Variants in PUS7 observed in about 807,000 individuals in gnomAD.
PUS7 encodes pseudouridylate synthase 7 homolog.
A neutral mutation model predicts 79.8 loss-of-function variants in PUS7; 48 were observed. The observed-to-expected ratio is 0.60, with a 90% CI of 0.48 to 0.76. PUS7 has a LOEUF of 0.76. Ranked by LOEUF, PUS7 falls within the 30% of genes least tolerant of loss-of-function variation. The pLI, the probability that PUS7 is intolerant of heterozygous loss-of-function variation, is 0.00. For synonymous variants in PUS7, 286 were observed against 272.2 expected (o/e 1.05, Z -0.50); for missense variants, 729 against 797.6 (o/e 0.91, Z 1.04).
chr7:105,495,380 T>C, intron 5 of PUS7, 127 bp from the exon 6 acceptor site: 1 of 609,866 alleles, frequency 1.6e-6, no homozygotes, highest in South Asian at 2.0e-5. Context: ...ACAGGTTAAG[T>C]GGTTATAGCT....
Position 105,470,848 on chromosome 7 carries a change from G to A in PUS7, c.1238C>T (p.Ala413Val). 6 of 1,577,658 alleles carry A rather than the reference G, an allele frequency of 3.8e-6. No homozygotes were observed. The highest frequency in any genetic ancestry group is 5.2e-6 in the Non-Finnish European group (6 of 1,157,034). Reference sequence around the variant, plus strand: ...GCATTTAACCAAGTAGCCCTTTTCAGCTGCGGGGGGAAAAAGCTAGGGTTA... The same window carrying A: ...GCATTTAACCAAGTAGCCCTTTTCAACTGCGGGGGGAAAAAGCTAGGGTTA... ...MDLILKPRSGAEKGYLVKCRE... is the reference protein window; with the variant it reads ...MDLILKPRSGVEKGYLVKCRE... Residue 413 changes from alanine to valine, a missense_variant and splice_region_variant, in exon 11 of 16, where the codon GCT (alanine) becomes GTT (valine). Ala to Val is a moderately conservative substitution (Grantham distance 64). Transcript: ENST00000469408.
intron 1 of PUS7, among the ~76,000 whole-genome samples, chr7:105,519,509 T>C (rs1252849213): frequency 1.3e-5 from 2 of 152,026 alleles, no homozygotes; most frequent in Admixed American, 6.5e-5. Context: ...CCTCCCAGAG[T>C]GCTGGGATTA....
intron 9 of PUS7, among the ~76,000 whole-genome samples, chr7:105,477,584 T>C (rs980334911): frequency 6.6e-6 from 1 of 152,100 alleles, no homozygotes; most frequent in East Asian, 1.9e-4. Flanking sequence ...TTTGCTGAGT[T>C]ATTCAATAAT....
chr7:105,477,518 G>C (rs540803110), intron 9 of PUS7, among the ~76,000 whole-genome samples: 2 of 152,226 alleles, frequency 1.3e-5, no homozygotes, highest in Admixed American at 1.3e-4. Flanking sequence ...CTCCCAAAGG[G>C]CTGGGATTAC....
intron 7 of PUS7, 25 bp from the exon 8 acceptor site, chr7:105,482,465 CA>C: frequency 3.9e-6 from 6 of 1,523,806 alleles, no homozygotes; most frequent in Non-Finnish European, 5.3e-6. Flanking sequence ...AAAAAAGCAA[CA>C]AAACAAAAAA....
chr7:105,504,497 C>T (rs971310862), intron 4 of PUS7, among the ~76,000 whole-genome samples: 6 of 152,226 alleles, frequency 3.9e-5, no homozygotes, highest in East Asian at 1.9e-4. Context: ...GCAAGGAGAA[C>T]GACAGTTTGT....
chr7:105,482,280 T>G (rs1473387210), intron 8 of PUS7, 32 bp downstream of exon 8: 1 of 1,605,342 alleles, frequency 6.2e-7, no homozygotes, highest in Non-Finnish European at 8.5e-7. Context: ...GGCCAGACCC[T>G]CTGGTCTACA....
At chr7:105,487,963 T>C (rs1360562476) in intron 7 of PUS7, among the ~76,000 whole-genome samples, 1 of 152,152 alleles carries the variant, frequency 6.6e-6, no homozygotes, top group East Asian at 1.9e-4. Context: ...GTTTCTCCTG[T>C]TCACAAGTTC....
rs202026903 is a variant in PUS7, at chr7:105,492,371, C to G, written c.843-754G>C. On this transcript the variant is annotated intron_variant, in intron 6 of 15. Transcript: ENST00000469408. ...ACGGAGTCTCTCTCTGTCACCCAGG[C>G]TGGAGTGCAGCGGCACAATCTTGGC... Among the ~76,000 whole-genome samples, 12 of 152,154 alleles carry G rather than the reference C, an allele frequency of 7.9e-5. No homozygotes were observed. The East Asian group carries it at 2.3e-3, about 29-fold the overall frequency.
chr7:105,501,682 G>A (rs1363446320), intron 5 of PUS7, among the ~76,000 whole-genome samples: 1 of 152,010 alleles, frequency 6.6e-6, no homozygotes, highest in South Asian at 2.1e-4. Context: ...TTGGCCGGGC[G>A]CACTGGCTCA....
chr7:105,513,066 A>G (rs913594609), intron 1 of PUS7, among the ~76,000 whole-genome samples: 1 of 152,180 alleles, frequency 6.6e-6, no homozygotes, highest in Admixed American at 6.5e-5. Context: ...GAGCCCACCC[A>G]TAGTCCTGTG....
At chr7:105,491,691 T>G (rs1013674868) in intron 6 of PUS7, 74 bp from the exon 7 acceptor site, 1 of 846,258 alleles carries the variant, frequency 1.2e-6, no homozygotes, top group Non-Finnish European at 1.9e-6. Flanking sequence ...TCTCATAATT[T>G]AAGTTTTAAT....
chr7:105,473,187 C>G (rs887760450), intron 9 of PUS7, among the ~76,000 whole-genome samples: 12 of 152,112 alleles, frequency 7.9e-5, no homozygotes, highest in African/African-American at 2.9e-4. Flanking sequence ...ACGATTTACT[C>G]TTATCATTCT....
chr7:105,483,106 G>A (rs1824394540), intron 7 of PUS7, among the ~76,000 whole-genome samples: 2 of 151,762 alleles, frequency 1.3e-5, no homozygotes, highest in Non-Finnish European at 2.9e-5. Flanking sequence ...GAGAAACAGA[G>A]TACTGAAAAG....
chr7:105,516,603 G>A (rs1180486909), intron 1 of PUS7, among the ~76,000 whole-genome samples: 3 of 151,914 alleles, frequency 2.0e-5, no homozygotes, highest in African/African-American at 7.3e-5. Flanking sequence ...ACAGACGCCC[G>A]CTACCACGCC....
chr7:105,487,235 C>A (rs1416373065), intron 7 of PUS7, among the ~76,000 whole-genome samples: 1 of 152,128 alleles, frequency 6.6e-6, no homozygotes, highest in African/African-American at 2.4e-5. Flanking sequence ...TGTACCTATT[C>A]AGCAGTCACT....
At chr7:105,494,674 CT>C (rs1824932762) in intron 6 of PUS7, among the ~76,000 whole-genome samples, 1 of 151,954 alleles carries the variant, frequency 6.6e-6, no homozygotes, top group Non-Finnish European at 1.5e-5. Flanking sequence ...TCCCAAAGTG[CT>C]GGAATTACAG....
chr7:105,483,756 A>G (rs921652181), intron 7 of PUS7, among the ~76,000 whole-genome samples: 1 of 152,124 alleles, frequency 6.6e-6, no homozygotes, highest in African/African-American at 2.4e-5. Flanking sequence ...TCAGCTTCCC[A>G]AAGTGTTGGG....
At chr7:105,518,638 G>T (rs1053960350) in intron 1 of PUS7, among the ~76,000 whole-genome samples, 32 of 152,110 alleles carry the variant, frequency 2.1e-4, no homozygotes, top group Non-Finnish European at 3.8e-4. Context: ...GAGCTCAAGT[G>T]ATCTGCCCTG....
Sources: gnomAD v4.1 joint callset for allele counts (sites outside exome capture counted in the v4.1 genomes callset) on GRCh38, gnomAD v4.1.1 for gene constraint, MANE v1.5 for transcripts, NCBI Gene and HGNC (gene_info 2026-07-23, HGNC 2026-07-21) for gene names.